Variants in MYO15B observed in about 807,000 individuals in gnomAD.
The protein encoded by MYO15B is myosin XVB, also known as myosin XVB pseudogene.
Under a neutral mutation model 119.3 loss-of-function variants are expected in MYO15B, and 207 were observed. That is an observed-to-expected ratio of 1.73 (90% CI 1.55 to 1.95). The LOEUF is 1.95. Ranked by LOEUF, MYO15B falls within the 30% of genes most tolerant of loss-of-function variation. The pLI is 0.00. For synonymous variants in MYO15B, 966 were observed against 498.9 expected (o/e 1.94, Z -12.48); for missense variants, 2,264 against 1,203.1 (o/e 1.88, Z -13.04).
In MYO15B at chr17:75,626,404, CA is replaced by C; in HGVS notation, c.9214-2del. On this transcript the variant is annotated splice_acceptor_variant, in intron 63 of 63. Coordinates refer to ENST00000645453, the Ensembl canonical transcript of MYO15B. LOFTEE classifies it high-confidence loss of function. The stretch of plus-strand genomic sequence containing the variant: ...CTCTTGTAACAGGCCTTTCTCTGGG[CA>C]GGCCCAGGAGCTGCTATACACCACT... 1.4e-6 allele frequency: 1 copy of C among 703,176 alleles called. No individual in the cohort carries two copies. The highest frequency in any genetic ancestry group is 2.6e-6 in the Non-Finnish European group (1 of 385,016). The allele number at this position is 703,176 out of a possible 1,614,324, so 43.6% of individuals were successfully genotyped here. A position where few individuals can be genotyped will look rare whatever the true frequency, so the allele number is the denominator to read the frequency against.
intron 15 of MYO15B, among the ~76,000 whole-genome samples, chr17:75,601,861 C>T (rs1001056833): frequency 6.6e-6 from 1 of 152,240 alleles, no homozygotes; most frequent in Non-Finnish European, 1.5e-5. Flanking sequence ...TCCGTTTCCT[C>T]ACCTGTAAAA....
exon 39 of MYO15B, chr17:75,616,727 A>T (rs2058395077): frequency 2.8e-6 from 2 of 703,026 alleles, no homozygotes; most frequent in Non-Finnish European, 5.2e-6. Flanking sequence ...AATTGGCAAC[A>T]TCATCCGCAT....
intron 41 of MYO15B, 36 bp downstream of exon 41, chr17:75,617,340 A>G (rs1373484838): frequency 8.4e-6 from 5 of 595,236 alleles, no homozygotes; most frequent in Non-Finnish European, 1.5e-5. Flanking sequence ...CGTGGGCTTC[A>G]CTGGGGCAGA....
intron 14 of MYO15B, among the ~76,000 whole-genome samples, chr17:75,597,759 TACA>T (rs2056962403): frequency 6.6e-6 from 1 of 151,798 alleles, no homozygotes; most frequent in African/African-American, 2.4e-5. Flanking sequence ...CTACAGAAAA[TACA>T]ACAATTAGCC....
chr17:75,593,615 G>GAA (rs1161115437), intron 9 of MYO15B, among the ~76,000 whole-genome samples: 4 of 112,998 alleles, frequency 3.5e-5, no homozygotes, highest in Non-Finnish European at 5.2e-5. Context: ...CTCCGTCTCA[G>GAA]AAAAAAAAAA....
chr17:75,621,254 G>A (rs1378620912), intron 50 of MYO15B, 78 bp downstream of exon 50: 1 of 660,458 alleles, frequency 1.5e-6, no homozygotes, highest in African/African-American at 1.8e-5. Context: ...AGAGCCACTG[G>A]GCTGTGCTCT....
rs1298956075 is a variant in MYO15B at position 75,589,903 on chromosome 17, G to C, written c.1846G>C (p.Asp616His). Residue 616 changes from aspartate to histidine, a missense_variant, in exon 1 of 64, where the codon GAC becomes CAC. Asp to His is a moderately conservative substitution (Grantham distance 81). Transcript: ENST00000645453. This position sits in a 1 kb window ranked among gnomAD's most constrained non-coding sequence, Gnocchi z 4.2. ...GACTGCACCCGACGGGCCTTCCCTC[G>C]ACGAGAGCGGCTCCAGCAGTGAGGC... The C allele has an allele frequency of 2.5e-6, 1 of 398,546 alleles. No homozygotes were observed. The highest frequency in any genetic ancestry group is 4.4e-5 in the Admixed American group (1 of 22,714). 24.7% of individuals were successfully genotyped at this position (398,546 alleles called of 1,614,324 possible).
rs1422183903 is a variant in MYO15B at position 75,614,380 on chromosome 17, C to T, written c.5381+20C>T. ...TGGCTCGTAGGTGCCACCCAGCACC[C>T]CTCTCCCTGGCCTGCTCCTGCCGGG... On this transcript the variant is annotated intron_variant, in intron 30 of 63. Transcript: ENST00000645453. 5 of 700,614 alleles carry T rather than the reference C, an allele frequency of 7.1e-6. No homozygotes were observed. The highest frequency in any genetic ancestry group is 6.0e-5 in the Admixed American group (3 of 49,936). 43.4% of individuals were successfully genotyped at this position (700,614 alleles called of 1,614,324 possible). A position where few individuals can be genotyped will look rare whatever the true frequency, so the allele number is the denominator to read the frequency against.
At chr17:75,625,645 C>G in exon 61 of MYO15B, 3 of 702,992 alleles carry the variant, frequency 4.3e-6, no homozygotes, top group Non-Finnish European at 7.8e-6. Flanking sequence ...CCAGGAAGCA[C>G]AGATCAGCTT....
chr17:75,594,617 C>T (rs2056727406), intron 10 of MYO15B, 29 bp downstream of exon 10: 1 of 690,878 alleles, frequency 1.4e-6, no homozygotes, highest in Admixed American at 2.0e-5. Context: ...GGGAGAGGGG[C>T]CTGGCCTGGC....
exon 35 of MYO15B, chr17:75,615,515 C>T (rs1238800075): frequency 1.0e-5 from 7 of 696,970 alleles, no homozygotes; most frequent in East Asian, 2.7e-5. Context: ...ATGGTGGTGC[C>T]GCCGCAGCCA....
In MYO15B at chr17:75,589,312, A is replaced by G. The variant is rs2147672792; in HGVS notation, c.1255A>G (p.Arg419Gly). ...ACCGGACGAGGGGCGGGGTCATGGG[A>G]GAGGAAGCAAGGGGCGGGGCCGCGG... is the stretch of plus-strand genomic sequence containing the variant. Residue 419 changes from arginine to glycine, a missense_variant, in exon 1 of 64, where the codon AGA becomes GGA. Arg to Gly is a moderately radical substitution (Grantham distance 125). Coordinates refer to ENST00000645453, the Ensembl canonical transcript of MYO15B. The surrounding 1 kb of genome is among the most constrained non-coding windows in gnomAD (Gnocchi z 4.2). The G allele has an allele frequency of 2.6e-6, 1 of 385,172 alleles. No individual in the cohort carries two copies. The highest frequency in any genetic ancestry group is 3.7e-5 in the East Asian group (1 of 27,324). 23.9% of individuals were successfully genotyped at this position (385,172 alleles called of 1,614,324 possible).
intron 21 of MYO15B, among the ~76,000 whole-genome samples, chr17:75,607,431 A>ATT (rs1268339044): frequency 2.3e-3 from 330 of 140,468 alleles, no homozygotes; most frequent in African/African-American, 8.5e-3. Flanking sequence ...GTTAATAATT[A>ATT]ATTATTATTA....
At chr17:75,599,758 G>C (rs1296526401) in intron 14 of MYO15B, among the ~76,000 whole-genome samples, 1 of 151,428 alleles carries the variant, frequency 6.6e-6, no homozygotes, top group Non-Finnish European at 1.5e-5. Flanking sequence ...AGTCGAGCGT[G>C]GTGGCGGGTG....
exon 10 of MYO15B, chr17:75,594,476 G>A (rs971144225): frequency 1.7e-6 from 1 of 602,108 alleles, no homozygotes. Flanking sequence ...TCTGTGTAGC[G>A]AGAGTCCCAG....
chr17:75,609,982 C>A (rs1330999360), intron 21 of MYO15B, among the ~76,000 whole-genome samples, 184 bp from the exon 22 acceptor site: 1 of 152,214 alleles, frequency 6.6e-6, no homozygotes, highest in African/African-American at 2.4e-5. Context: ...TCAGCCACCG[C>A]ACCCGACCCT....
chr17:75,594,091 A>AAAG (rs1487328621), intron 9 of MYO15B, among the ~76,000 whole-genome samples: 1 of 57,988 alleles, frequency 1.7e-5, no homozygotes, highest in Non-Finnish European at 3.7e-5. Context: ...CCCTGTCTCA[A>AAAG]AAAAAAAAAA....
exon 37 of MYO15B, chr17:75,616,134 T>C: frequency 1.8e-6 from 1 of 563,878 alleles, no homozygotes; most frequent in Non-Finnish European, 3.1e-6. Flanking sequence ...AACGGAACTA[T>C]TTCCAGAGGA....
exon 64 of MYO15B, chr17:75,626,529 C>G (rs1209934968): frequency 1.4e-6 from 1 of 702,650 alleles, no homozygotes; most frequent in Non-Finnish European, 2.6e-6. Flanking sequence ...CCTCCCCCGG[C>G]CCAAGTCTCA....
Sources: gnomAD v4.1 joint callset for allele counts (sites outside exome capture counted in the v4.1 genomes callset) on GRCh38, gnomAD v4.1.1 for gene constraint, Gnocchi (gnomAD v3.1) non-coding constraint, MANE v1.5 for transcripts, NCBI Gene and HGNC (gene_info 2026-07-23, HGNC 2026-07-21) for gene names.